Variants in ZNF280D observed in about 807,000 individuals in gnomAD.
The protein encoded by ZNF280D is zinc finger protein 280D.
A neutral mutation model predicts 94.7 loss-of-function variants in ZNF280D; 39 were observed. The ratio of observed to expected loss-of-function variants is 0.41; its 90% CI spans 0.32 to 0.54. The LOEUF is 0.54. ZNF280D is among the 20% of genes least tolerant of loss of function. The pLI is 0.22. For missense variants in ZNF280D, 1,090 were observed against 1,149.3 expected (o/e 0.95, Z 0.75); for synonymous variants, 398 against 377.6 (o/e 1.05, Z -0.63).
chr15:56,693,937 CA>C lies in ZNF280D; in HGVS notation c.382-723del, dbSNP rs762170167. Among the ~76,000 whole-genome samples, 33 of 152,090 alleles carry C rather than the reference CA, an allele frequency of 2.2e-4. 1 individual carries two copies. Among genetic ancestry groups the C allele is most frequent in the Non-Finnish European group, 4.4e-4 (30 of 68,020 alleles). On this transcript the variant is annotated intron_variant, in intron 6 of 21. Transcript: ENST00000267807. ...GCCAGGAATCTTCTGTCTTATCAGGCAAATATGAAAGCAAACCGGTCAGTAG... is the reference window on the plus strand; with the variant it reads ...GCCAGGAATCTTCTGTCTTATCAGGCAATATGAAAGCAAACCGGTCAGTAG...
At chr15:56,654,160 C>A in intron 19 of ZNF280D, 38 bp downstream of exon 19, 1 of 1,589,044 alleles carries the variant, frequency 6.3e-7, no homozygotes, top group Non-Finnish European at 8.5e-7. Context: ...TGCTAAAATC[C>A]ATCAAAGTAA....
At chr15:56,700,285 G>C in intron 6 of ZNF280D, 1 of 621,444 alleles carries the variant, frequency 1.6e-6, no homozygotes, top group South Asian at 7.2e-5. Context: ...TTGGGATCTT[G>C]AATAAATCTT....
At chr15:56,707,049 T>C (rs762389259) in intron 3 of ZNF280D, 33 bp downstream of exon 3, 2 of 1,602,270 alleles carry the variant, frequency 1.2e-6, no homozygotes, top group Non-Finnish European at 1.7e-6. Flanking sequence ...AAAAGCCACA[T>C]ATATTAGTAT....
chr15:56,668,076 A>G, intron 14 of ZNF280D: 1 of 440,928 alleles, frequency 2.3e-6, no homozygotes, highest in South Asian at 1.6e-5. Flanking sequence ...TCTTGCTATC[A>G]TGTCTTCAGA....
intron 1 of ZNF280D, among the ~76,000 whole-genome samples, chr15:56,718,979 C>T (rs1325325113): frequency 6.6e-6 from 1 of 152,158 alleles, no homozygotes; most frequent in Non-Finnish European, 1.5e-5. Context: ...CTTTTTAACT[C>T]TTTAGAGATT....
At chr15:56,707,376 C>T (rs1198016387) in intron 1 of ZNF280D, 70 bp from the exon 2 acceptor site, 7 of 1,336,304 alleles carry the variant, frequency 5.2e-6, no homozygotes, top group Non-Finnish European at 7.1e-6. Context: ...TTAATCTTTT[C>T]TCCTATACAG....
At chr15:56,707,004 C>T in intron 3 of ZNF280D, 78 bp downstream of exon 3, 3 of 1,420,462 alleles carry the variant, frequency 2.1e-6, no homozygotes, top group Non-Finnish European at 3.0e-6. Flanking sequence ...AAATGTCTCC[C>T]AACTTTCATC....
intron 1 of ZNF280D, among the ~76,000 whole-genome samples, chr15:56,709,577 C>T (rs1358836284): frequency 6.6e-6 from 1 of 152,088 alleles, no homozygotes; most frequent in African/African-American, 2.4e-5. Flanking sequence ...TATTGCGGCA[C>T]TATTCACAAT....
At chr15:56,700,360 G>T in intron 6 of ZNF280D, 1 of 453,308 alleles carries the variant, frequency 2.2e-6, no homozygotes, top group Non-Finnish European at 2.9e-6. Context: ...TTTACTTCAT[G>T]GGGATGTTTA....
At chr15:56,649,924 G>C (rs74018073) in intron 19 of ZNF280D, among the ~76,000 whole-genome samples, 2,047 of 152,134 alleles carry the variant, frequency 0.013, 43 homozygotes, top group African/African-American at 0.047. Context: ...TTACTGGTTT[G>C]AGAATAGCAG....
chr15:56,733,386 G>C, intron 1 of ZNF280D, 72 bp downstream of exon 1: 3 of 913,172 alleles, frequency 3.3e-6, no homozygotes, highest in Non-Finnish European at 4.0e-6. Flanking sequence ...CCCGGAGTGA[G>C]GCGGCGCAGG....
chr15:56,668,123 A>G (rs2054419773), intron 14 of ZNF280D: 1 of 454,768 alleles, frequency 2.2e-6, no homozygotes, highest in African/African-American at 2.0e-5. Context: ...TTCAAATAAC[A>G]GACATACCCA....
chr15:56,656,945 A>G (rs1474680317), intron 17 of ZNF280D, among the ~76,000 whole-genome samples: 2 of 152,188 alleles, frequency 1.3e-5, no homozygotes, highest in African/African-American at 4.8e-5. Context: ...AAAGGAGACA[A>G]AAGAGCTAAC....
intron 17 of ZNF280D, among the ~76,000 whole-genome samples, chr15:56,656,642 C>T (rs1383454126): frequency 6.6e-6 from 1 of 152,136 alleles, no homozygotes; most frequent in East Asian, 1.9e-4. Flanking sequence ...AGTCTAACAT[C>T]ACAGATGGGA....
At chr15:56,648,897 T>G (rs2053049802) in intron 19 of ZNF280D, among the ~76,000 whole-genome samples, 1 of 152,122 alleles carries the variant, frequency 6.6e-6, no homozygotes, top group African/African-American at 2.4e-5. Context: ...TAATTTTGAT[T>G]GCTGGTCTAT....
intron 16 of ZNF280D, among the ~76,000 whole-genome samples, chr15:56,665,593 G>A: frequency 6.7e-6 from 1 of 148,880 alleles, no homozygotes; most frequent in East Asian, 2.0e-4. Flanking sequence ...AAGACAGTTG[G>A]AATACAGAAA....
chr15:56,693,117 T>C lies in ZNF280D; in HGVS notation c.480A>G (p.Gly160=). 6.2e-7 allele frequency: 1 copy of C among 1,602,578 alleles called. No homozygotes were observed. Among genetic ancestry groups the C allele is most frequent in the Non-Finnish European group, 8.5e-7 (1 of 1,174,086 alleles). ...QDTGLSHYQG[G]PTLSMAGMSE... is the part of the protein sequence containing the mutation. ...ACCAACCTGCCATAGAAAGTGTTGG[T>C]CCCCCTTGGTAATGTGATAATCCTG... Residue 160 remains glycine, a synonymous_variant, in exon 7 of 22, where the codon GGA becomes GGG. Coordinates refer to ENST00000267807, the MANE Select transcript of ZNF280D (RefSeq NM_017661.4).
At chr15:56,724,766 GAC>G (rs1346281240) in intron 1 of ZNF280D, 5 of 312,846 alleles carry the variant, frequency 1.6e-5, no homozygotes, top group Admixed American at 7.9e-5. Flanking sequence ...AGAATAGAAA[GAC>G]ATCTGTTGTG....
At chr15:56,688,997 A>G in intron 9 of ZNF280D, 44 bp downstream of exon 9, 2 of 1,330,298 alleles carry the variant, frequency 1.5e-6, no homozygotes, top group South Asian at 2.6e-5. Context: ...GTATTTTTAG[A>G]AATGTGCAAA....
Sources: gnomAD v4.1 joint callset for allele counts (sites outside exome capture counted in the v4.1 genomes callset) on GRCh38, gnomAD v4.1.1 for gene constraint, MANE v1.5 for transcripts, NCBI Gene and HGNC (gene_info 2026-07-23, HGNC 2026-07-21) for gene names.